The following NOL4 variants were observed in gnomAD, a reference collection of about 807,000 sequenced individuals.
The protein encoded by NOL4 is nucleolar protein 4, also known as cancer/testis antigen 125.
In NOL4, 17 loss-of-function variants were observed where a neutral mutation model predicts 75.9. The ratio of observed to expected loss-of-function variants is 0.22; its 90% CI spans 0.15 to 0.34. The LOEUF (loss-of-function observed/expected upper bound fraction) is 0.34, where lower values mean the gene tolerates loss of function less well. NOL4 is among the 10% of genes least tolerant of loss of function. The pLI, the probability that NOL4 is intolerant of heterozygous loss-of-function variation, is 1.00. For synonymous variants in NOL4, 292 were observed against 289.9 expected (o/e 1.01, Z -0.07); for missense variants, 614 against 793.5 (o/e 0.77, Z 2.72).
At chr18:34,176,056 A>G (rs921106817) in intron 1 of NOL4, among the ~76,000 whole-genome samples, 3 of 152,148 alleles carry the variant, frequency 2.0e-5, no homozygotes, top group African/African-American at 7.2e-5. Flanking sequence ...GCCAATTTAA[A>G]TATGTTCAAA....
intron 5 of NOL4, among the ~76,000 whole-genome samples, chr18:34,074,510 T>C (rs2077663266): frequency 6.6e-6 from 1 of 151,944 alleles, no homozygotes; most frequent in African/African-American, 2.4e-5. Context: ...TCAGTTTTTA[T>C]AGTATCCATT....
At chr18:33,857,382 T>G (rs917439205) in intron 10 of NOL4, among the ~76,000 whole-genome samples, 1 of 152,038 alleles carries the variant, frequency 6.6e-6, no homozygotes, top group African/African-American at 2.4e-5. Flanking sequence ...ATTACTGTGA[T>G]TCAAACAGTA....
At chr18:33,935,745 T>G (rs1278913068) in intron 9 of NOL4, among the ~76,000 whole-genome samples, 7 of 152,086 alleles carry the variant, frequency 4.6e-5, no homozygotes, top group Admixed American at 4.6e-4. Flanking sequence ...CACAACAAAG[T>G]GAAGTTCAAT....
intron 8 of NOL4, among the ~76,000 whole-genome samples, chr18:33,943,489 G>T (rs560680902): frequency 6.6e-6 from 1 of 151,808 alleles, no homozygotes; most frequent in East Asian, 2.0e-4. Flanking sequence ...ACTGGATTTT[G>T]CAAATAAAAC....
rs1432592648 is a variant in NOL4 at position 33,924,955 on chromosome 18, C to T, written c.1542+18110G>A. Among the ~76,000 whole-genome samples, 4 of 152,144 alleles carry T rather than the reference C, an allele frequency of 2.6e-5. No individual in the cohort carries two copies. In the East Asian group the frequency reaches 5.8e-4, roughly 22 times the overall value. On this transcript the variant is annotated intron_variant, in intron 9 of 10. Transcript: ENST00000261592. ...GTGGAAAGAGCTAGGACAGCTGTGC[C>T]ACTCTCAAATATATCTCAATCCCCC...
At chr18:33,872,859 TA>T (rs1454080834) in intron 10 of NOL4, among the ~76,000 whole-genome samples, 1 of 152,006 alleles carries the variant, frequency 6.6e-6, no homozygotes, top group Non-Finnish European at 1.5e-5. Context: ...AATTAGTATT[TA>T]AAATAGGAAA....
intron 10 of NOL4, among the ~76,000 whole-genome samples, chr18:33,860,297 C>CA (rs1478154974): frequency 6.6e-6 from 1 of 152,080 alleles, no homozygotes; most frequent in Non-Finnish European, 1.5e-5. Flanking sequence ...TACCTCCCCC[C>CA]AAATCTCACA....
intron 5 of NOL4, among the ~76,000 whole-genome samples, chr18:34,060,738 G>A (rs2077035109): frequency 6.6e-6 from 1 of 152,142 alleles, no homozygotes; most frequent in Non-Finnish European, 1.5e-5. Flanking sequence ...AAATCTGTGA[G>A]ACAACACTGT....
At chr18:34,130,924 A>G (rs914005587) in intron 1 of NOL4, among the ~76,000 whole-genome samples, 2 of 152,152 alleles carry the variant, frequency 1.3e-5, no homozygotes, top group Non-Finnish European at 2.9e-5. Context: ...TGGGAAGTAC[A>G]GCAAAGAACA....
Position 33,943,190 on chromosome 18 carries a change from A to AG in NOL4, c.1429-13_1429-12insC. ...GGAATAGGTCGAGACTAAAAAAAAAAAGAGAAAAGTATGAAAAAAATTATT... is the reference window on the plus strand; with the variant it reads ...GGAATAGGTCGAGACTAAAAAAAAAAGAGAGAAAAGTATGAAAAAAATTATT... On this transcript the variant is annotated splice_polypyrimidine_tract_variant and intron_variant, in intron 8 of 10. Transcript: ENST00000261592. 1.3e-6 allele frequency: 2 copies of AG among 1,581,438 alleles called. No homozygotes were observed. The highest frequency in any genetic ancestry group is 1.7e-6 in the Non-Finnish European group (2 of 1,156,296).
intron 6 of NOL4, among the ~76,000 whole-genome samples, chr18:33,964,680 C>T (rs935657760): frequency 6.6e-6 from 1 of 152,138 alleles, no homozygotes; most frequent in Non-Finnish European, 1.5e-5. Context: ...CCAAGATCAA[C>T]TTTGGATGTA....
intron 5 of NOL4, among the ~76,000 whole-genome samples, chr18:34,043,013 T>C (rs377060233): frequency 1.3e-5 from 2 of 152,204 alleles, no homozygotes; most frequent in East Asian, 3.9e-4. Flanking sequence ...CAGGGGTAGC[T>C]GTAGGATTTA....
chr18:34,011,177 A>C (rs909144652), intron 6 of NOL4, among the ~76,000 whole-genome samples: 2 of 151,810 alleles, frequency 1.3e-5, no homozygotes, highest in Admixed American at 6.6e-5. Context: ...CATCATATGC[A>C]TGTATGAGAC....
At chr18:33,878,759 A>C (rs541029093) in intron 10 of NOL4, among the ~76,000 whole-genome samples, 1 of 152,116 alleles carries the variant, frequency 6.6e-6, no homozygotes, top group Non-Finnish European at 1.5e-5. Context: ...AAAAACAAAA[A>C]AATACATCGG....
intron 5 of NOL4, among the ~76,000 whole-genome samples, chr18:34,067,504 T>C (rs908763585): frequency 1.3e-5 from 2 of 152,308 alleles, no homozygotes; most frequent in African/African-American, 4.8e-5. Context: ...AGATCAGGTA[T>C]GAGGCTACTT....
At chr18:34,170,122 G>A (rs2032870793) in intron 1 of NOL4, among the ~76,000 whole-genome samples, 1 of 151,870 alleles carries the variant, frequency 6.6e-6, no homozygotes, top group East Asian at 1.9e-4. Flanking sequence ...GCAACATGTG[G>A]GTATTGAGCC....
In NOL4 at chr18:34,196,001, A is replaced by G. The variant is rs144069575; in HGVS notation, c.264+26989T>C. On this transcript the variant is annotated intron_variant, in intron 1 of 10. Transcript: ENST00000261592. ...AACTGTAGAAGGTCACACAGGAAAT[A>G]GCTGTACTCATGAATAACCAATAAA... Among the ~76,000 whole-genome samples, 1,336 of 152,262 alleles carry G rather than the reference A, an allele frequency of 8.8e-3. 20 individuals are homozygous for G. Among genetic ancestry groups the G allele is most frequent in the African/African-American group, 0.03 (1,242 of 41,550 alleles).
At chr18:34,056,016 A>G (rs2145050553) in intron 5 of NOL4, among the ~76,000 whole-genome samples, 1 of 152,032 alleles carries the variant, frequency 6.6e-6, no homozygotes, top group South Asian at 2.1e-4. Flanking sequence ...TTGTTCATAC[A>G]TTGTTTTCTG....
intron 6 of NOL4, among the ~76,000 whole-genome samples, chr18:34,000,543 G>C (rs2073623457): frequency 6.6e-6 from 1 of 151,962 alleles, no homozygotes; most frequent in South Asian, 2.1e-4. Context: ...CAAAATTCTT[G>C]CGGAACATAT....
Sources: gnomAD v4.1 joint callset for allele counts (sites outside exome capture counted in the v4.1 genomes callset) on GRCh38, gnomAD v4.1.1 for gene constraint, MANE v1.5 for transcripts, NCBI Gene and HGNC (gene_info 2026-07-23, HGNC 2026-07-21) for gene names.